The following NRXN3 variants were observed in gnomAD, a reference collection of about 807,000 sequenced individuals.
NRXN3 encodes neurexin 3, also known as neurexin III.
NRXN3 carries 32 observed loss-of-function variants against 137.6 expected under a neutral mutation model. The ratio of observed to expected loss-of-function variants is 0.23; its 90% CI spans 0.18 to 0.31. The LOEUF is 0.31. NRXN3 is among the 10% of genes least tolerant of loss of function. NRXN3 has a pLI of 1.00. For synonymous variants in NRXN3, 798 were observed against 784.5 expected (o/e 1.02, Z -0.29); for missense variants, 1,574 against 2,062.5 (o/e 0.76, Z 4.59).
intron 15 of NRXN3, among the ~76,000 whole-genome samples, chr14:79,110,829 C>T (rs556783636): frequency 8.6e-5 from 13 of 151,598 alleles, no homozygotes; most frequent in South Asian, 8.3e-4. Context: ...CTCGATCAGT[C>T]GCCCAGGCTG....
At chr14:79,809,801 A>T (rs2099225141) in intron 20 of NRXN3, among the ~76,000 whole-genome samples, 1 of 152,194 alleles carries the variant, frequency 6.6e-6, no homozygotes, top group Non-Finnish European at 1.5e-5. Context: ...TGTGCAGTAA[A>T]TTCATATTTC....
Position 78,364,009 on chromosome 14 carries a change from C to T in NRXN3, c.757+66149C>T, listed in dbSNP as rs560554681. On this transcript the variant is annotated intron_variant, in intron 4 of 20. Coordinates refer to ENST00000335750, the MANE Select transcript of NRXN3 (RefSeq NM_001330195.2). ...TTCTGAAATACAAGGACTATGTTGACTTCACCAAAGGGATAGTCAGGTCGC... is the reference window on the plus strand; with the variant it reads ...TTCTGAAATACAAGGACTATGTTGATTTCACCAAAGGGATAGTCAGGTCGC... Among the ~76,000 whole-genome samples, 65 of 152,326 alleles carry T rather than the reference C, an allele frequency of 4.3e-4. 1 individual carries two copies. The highest frequency in any genetic ancestry group is 1.5e-3 in the African/African-American group (61 of 41,576).
chr14:79,419,555 T>C (rs1395872018), intron 15 of NRXN3, among the ~76,000 whole-genome samples: 1 of 152,118 alleles, frequency 6.6e-6, no homozygotes, highest in Non-Finnish European at 1.5e-5. Flanking sequence ...TGTGCCCTTA[T>C]TAGATGTCAT....
intron 15 of NRXN3, among the ~76,000 whole-genome samples, chr14:79,105,888 C>T (rs1028343234): frequency 3.9e-5 from 6 of 152,012 alleles, no homozygotes; most frequent in African/African-American, 1.2e-4. Flanking sequence ...TTTAGTCTAG[C>T]TTTTCTTTCT....
At chr14:79,794,493 A>C (rs917902980) in intron 19 of NRXN3, among the ~76,000 whole-genome samples, 2 of 152,178 alleles carry the variant, frequency 1.3e-5, no homozygotes, top group Non-Finnish European at 2.9e-5. Flanking sequence ...GACTTAAGAA[A>C]GGATGTGATA....
intron 15 of NRXN3, among the ~76,000 whole-genome samples, chr14:79,052,049 T>C (rs2152572577): frequency 6.6e-6 from 1 of 152,358 alleles, no homozygotes; most frequent in African/African-American, 2.4e-5. Flanking sequence ...ATTTATGTAA[T>C]TTTTAACATT....
chr14:79,615,482 G>A (rs933192809), intron 16 of NRXN3, among the ~76,000 whole-genome samples: 2 of 152,142 alleles, frequency 1.3e-5, no homozygotes, highest in Non-Finnish European at 2.9e-5. Flanking sequence ...CTTTTTGGAA[G>A]TGTACTGTAT....
chr14:78,285,728 A>G (rs1348402344), intron 3 of NRXN3, among the ~76,000 whole-genome samples: 2 of 152,262 alleles, frequency 1.3e-5, no homozygotes, highest in Admixed American at 6.5e-5. Context: ...GCTGAAAGAA[A>G]GTCCGCTTTT....
At chr14:79,449,818 C>A (rs755199841) in intron 15 of NRXN3, among the ~76,000 whole-genome samples, 1 of 151,626 alleles carries the variant, frequency 6.6e-6, no homozygotes, top group Non-Finnish European at 1.5e-5. Context: ...GGTGAAACCC[C>A]GTCTCTACTA....
intron 8 of NRXN3, among the ~76,000 whole-genome samples, chr14:78,795,531 A>T (rs985024210): frequency 9.2e-5 from 14 of 152,014 alleles, no homozygotes; most frequent in Non-Finnish European, 2.1e-4. Context: ...CAGTAAAAGC[A>T]AAAATTGGTA....
rs1279683152 is a variant in NRXN3, at chr14:78,360,291, TC to T, written c.757+62433del. Among the ~76,000 whole-genome samples, 5 of 152,228 alleles carry T rather than the reference TC, an allele frequency of 3.3e-5. No homozygotes were observed. The East Asian group carries it at 9.6e-4, about 29-fold the overall frequency. On this transcript the variant is annotated intron_variant, in intron 4 of 20. Transcript: ENST00000335750. ...GAATTAGACCGTCTAGGGGTCGGGG[TC>T]CTTTCACTGTTTAAAAAAAAATCTA...
intron 15 of NRXN3, among the ~76,000 whole-genome samples, chr14:79,363,532 G>A (rs1183171383): frequency 2.0e-5 from 3 of 151,148 alleles, no homozygotes; most frequent in Non-Finnish European, 4.4e-5. Flanking sequence ...AGCTAAAAGA[G>A]CTTCTTCCTC....
Position 79,792,837 on chromosome 14 carries a change from C to G in NRXN3, c.4015-12275C>G, listed in dbSNP as rs138643981. On this transcript the variant is annotated intron_variant, in intron 19 of 20. Transcript: ENST00000335750. ...ATTCCCTGTGATCAGGTCTGAGTTC[C>G]GGTTTTGTCATCTACCACATCACTT... 2.6e-5 allele frequency among the ~76,000 whole-genome samples: 4 copies of G among 152,202 alleles called. No individual in the cohort carries two copies. In the East Asian group the frequency reaches 5.8e-4, roughly 22 times the overall value.
intron 15 of NRXN3, among the ~76,000 whole-genome samples, chr14:79,029,362 C>A (rs2099603655): frequency 6.6e-6 from 1 of 152,128 alleles, no homozygotes; most frequent in Admixed American, 6.6e-5. Flanking sequence ...TTATTATTTG[C>A]AAACATATTA....
chr14:79,631,468 G>C (rs1326857790), intron 16 of NRXN3, among the ~76,000 whole-genome samples: 1 of 152,256 alleles, frequency 6.6e-6, no homozygotes, highest in Non-Finnish European at 1.5e-5. Flanking sequence ...GGCAGAGGTG[G>C]GAGTCGGGGC....
intron 17 of NRXN3, among the ~76,000 whole-genome samples, chr14:79,671,223 T>C (rs2098606244): frequency 6.6e-6 from 1 of 152,144 alleles, no homozygotes; most frequent in Non-Finnish European, 1.5e-5. Context: ...GAAATGCTGG[T>C]ATTCAACCCA....
intron 10 of NRXN3, among the ~76,000 whole-genome samples, chr14:78,880,010 C>T (rs955816963): frequency 4.2e-4 from 59 of 141,384 alleles, no homozygotes; most frequent in South Asian, 2.1e-4. Flanking sequence ...GAGGCCGAGG[C>T]GGGCGGATCA....
chr14:79,154,133 G>A (rs148065814), intron 15 of NRXN3, among the ~76,000 whole-genome samples: 49 of 152,020 alleles, frequency 3.2e-4, no homozygotes, highest in African/African-American at 1.1e-3. Context: ...ACCAACCAGG[G>A]TAGTTGGGGG....
chr14:78,645,434 G>A lies in NRXN3; in HGVS notation c.1059+13G>A, dbSNP rs369265008. 3.8e-6 allele frequency: 6 copies of A among 1,558,486 alleles called. No individual in the cohort carries two copies. Among genetic ancestry groups the A allele is most frequent in the Non-Finnish European group, 5.2e-6 (6 of 1,157,320 alleles). ...CAACCTCCGGCAGGTAATGGCTGAG[G>A]GGAGAGAATTCCTGGAAGGCTCATC... On this transcript the variant is annotated intron_variant, in intron 5 of 20. Coordinates refer to ENST00000335750, the MANE Select transcript of NRXN3 (RefSeq NM_001330195.2).
Sources: allele counts gnomAD v4.1 joint callset (sites outside exome capture counted in the v4.1 genomes callset), GRCh38; gene constraint gnomAD v4.1.1; transcripts MANE v1.5; gene names NCBI Gene and HGNC (gene_info 2026-07-23, HGNC 2026-07-21).